Variants in NFIB observed in about 807,000 individuals in gnomAD.
The protein encoded by NFIB is nuclear factor 1 B-type.
A neutral mutation model predicts 61.5 loss-of-function variants in NFIB; 11 were observed. The observed-to-expected ratio is 0.18, with a 90% CI of 0.11 to 0.30. The LOEUF (loss-of-function observed/expected upper bound fraction) is 0.30. Ranked by LOEUF, NFIB falls within the 10% of genes least tolerant of loss-of-function variation. The pLI is 1.00. For missense variants in NFIB, 471 were observed against 608.9 expected, an observed-to-expected ratio of 0.77 and a Z score of 2.38; for synonymous variants, 260 against 216.5, an observed-to-expected ratio of 1.20 and a Z score of -1.76.
intron 1 of NFIB, among the ~76,000 whole-genome samples, chr9:14,338,351 G>A (rs574064391): frequency 2.0e-5 from 3 of 151,966 alleles, no homozygotes; most frequent in African/African-American, 4.8e-5. Context: ...CAGAGATCGC[G>A]CCACTGCACT....
At chr9:14,451,776 T>C in the NFIB span, among the ~76,000 whole-genome samples, 1 of 152,336 alleles carries the variant, frequency 6.6e-6, no homozygotes, top group South Asian at 2.1e-4. Context: ...GAAAGGCAGC[T>C]TGAGTTTCCC....
the NFIB span, among the ~76,000 whole-genome samples, chr9:14,456,208 C>CA: frequency 1.1e-5 from 1 of 91,716 alleles, no homozygotes; most frequent in Non-Finnish European, 2.4e-5. Flanking sequence ...AACTACTTGG[C>CA]ATTTTTTTTT....
At position 14,084,593 on chromosome 9, in the gene NFIB, G is replaced by A. The variant is rs574672738; in HGVS notation, c.*3716C>T. Reference sequence around the variant, plus strand: ...CGCTTCAGAGGCACTGTGAGTGGTGGGTGGCAGGGCAGCACACAAAGGCTG... The same window carrying A: ...CGCTTCAGAGGCACTGTGAGTGGTGAGTGGCAGGGCAGCACACAAAGGCTG... On this transcript the variant is annotated 3_prime_UTR_variant, in exon 11 of 11. Transcript: ENST00000380953. 8.7e-6 allele frequency: 2 copies of A among 228,742 alleles called. No homozygotes were observed. The highest frequency in any genetic ancestry group is 1.2e-4 in the East Asian group (2 of 16,022). The allele number at this position is 228,742 out of a possible 1,614,324, so 14.2% of individuals were successfully genotyped here.
At chr9:14,308,525 A>G (rs149600627) in intron 1 of NFIB, among the ~76,000 whole-genome samples, 1 of 152,228 alleles carries the variant, frequency 6.6e-6, no homozygotes, top group Non-Finnish European at 1.5e-5. Context: ...CCTCTTAAAA[A>G]TCAATCTGAG....
chr9:14,246,674 ATT>A (rs1268839702), intron 2 of NFIB, among the ~76,000 whole-genome samples: 1 of 152,222 alleles, frequency 6.6e-6, no homozygotes, highest in Non-Finnish European at 1.5e-5. Context: ...ACAGGCAAAT[ATT>A]AGGAAACATC....
the NFIB span, among the ~76,000 whole-genome samples, chr9:14,438,029 T>TGTGTGC: frequency 7.8e-6 from 1 of 127,886 alleles, no homozygotes; most frequent in African/African-American, 2.7e-5. Context: ...TGTGTGTGTG[T>TGTGTGC]GCGCGTATGT....
At chr9:14,453,104 G>A in the NFIB span, among the ~76,000 whole-genome samples, 1 of 152,188 alleles carries the variant, frequency 6.6e-6, no homozygotes, top group Non-Finnish European at 1.5e-5. Flanking sequence ...TTCCCACCCT[G>A]ATCTCAGAAT....
At chr9:14,276,821 C>A (rs2058036229) in intron 2 of NFIB, among the ~76,000 whole-genome samples, 1 of 152,002 alleles carries the variant, frequency 6.6e-6, no homozygotes, top group African/African-American at 2.4e-5. Context: ...TTCATGCAGT[C>A]ACCTAAATAT....
the NFIB span, among the ~76,000 whole-genome samples, chr9:14,410,841 G>C: frequency 5.3e-5 from 8 of 152,112 alleles, no homozygotes. Flanking sequence ...AGAAAATGAT[G>C]AATTTAAAAT....
At chr9:14,222,122 G>A (rs1337972187) in intron 2 of NFIB, among the ~76,000 whole-genome samples, 1 of 152,162 alleles carries the variant, frequency 6.6e-6, no homozygotes, top group Non-Finnish European at 1.5e-5. Context: ...ATATTGCAAA[G>A]ACTTCCTCCC....
rs1291719932 is a variant in NFIB at position 14,083,331 on chromosome 9, C to T, written c.*4978G>A. ...GTTACCCCCCAACTGCAGGGCTCCA[C>T]TCCACCCACACAATTTTAGGGAATT... On this transcript the variant is annotated 3_prime_UTR_variant, in exon 11 of 11. Transcript: ENST00000380953. The T allele has an allele frequency of 4.4e-6, 1 of 227,322 alleles. No individual in the cohort carries two copies. Among genetic ancestry groups the T allele is most frequent in the East Asian group, 6.3e-5 (1 of 15,952 alleles). The allele number at this position is 227,322 out of a possible 1,614,324, so 14.1% of individuals were successfully genotyped here. A position where few individuals can be genotyped will look rare whatever the true frequency, so the allele number is the denominator to read the frequency against.
intron 3 of NFIB, among the ~76,000 whole-genome samples, chr9:14,161,088 C>A (rs1031715941): frequency 6.6e-6 from 1 of 152,124 alleles, no homozygotes; most frequent in Admixed American, 6.5e-5. Context: ...TTACTTTATA[C>A]TAGCTCTTTG....
chr9:14,446,771 AG>A, the NFIB span, among the ~76,000 whole-genome samples: 48 of 152,304 alleles, frequency 3.2e-4, no homozygotes, highest in African/African-American at 1.1e-3. Context: ...AGACATCACA[AG>A]AGTACAGGGA....
rs944649027 is a variant in NFIB at position 14,313,537 on chromosome 9, G to A, written c.-26C>T. ...GACTTCGCCTTAAAACGCACTTTCC[G>A]GGAGATGCCCAAGAAAATCTTCGAG... On this transcript the variant is annotated 5_prime_UTR_variant, in exon 1 of 11. Transcript: ENST00000380953. This position sits in a 1 kb window ranked among gnomAD's most constrained non-coding sequence, Gnocchi z 4.5. 5.6e-6 allele frequency: 9 copies of A among 1,613,110 alleles called. No individual in the cohort carries two copies. Among genetic ancestry groups the A allele is most frequent in the Non-Finnish European group, 7.6e-6 (9 of 1,179,654 alleles).
intron 2 of NFIB, among the ~76,000 whole-genome samples, chr9:14,254,793 C>CTG (rs936301296): frequency 2.4e-4 from 36 of 152,042 alleles, no homozygotes; most frequent in African/African-American, 8.4e-4. Flanking sequence ...AGTTGGGATT[C>CTG]TGTGTGTGTG....
At position 14,182,708 on chromosome 9, in the gene NFIB, C is replaced by CTCTCTCTCTCTGTGTGTG. The variant is rs778914837; in HGVS notation, c.563-2929_563-2928insCACACACAGAGAGAGAGA. On this transcript the variant is annotated intron_variant, in intron 2 of 10. Transcript: ENST00000380953. ...CCTCTCTCTCTCTCTCTCTCTCTCTCTGTGTGTGTGTGTGTGTGTGTGTGT... is the reference window on the plus strand; with the variant it reads ...CCTCTCTCTCTCTCTCTCTCTCTCTCTCTCTCTCTCTGTGTGTGTGTGTGTGTGTGTGTGTGTGTGTGT... Among the ~76,000 whole-genome samples, 5 of 96,994 alleles carry CTCTCTCTCTCTGTGTGTG rather than the reference C, an allele frequency of 5.2e-5. 1 individual carries two copies. The highest frequency in any genetic ancestry group is 2.2e-4 in the Admixed American group (2 of 8,906). 63.6% of individuals were successfully genotyped at this position (96,994 alleles called of 152,430 possible).
At chr9:14,160,608 T>A (rs1038591413) in intron 3 of NFIB, among the ~76,000 whole-genome samples, 1 of 152,062 alleles carries the variant, frequency 6.6e-6, no homozygotes, top group African/African-American at 2.4e-5. Flanking sequence ...TAAAAAGGCA[T>A]GTGAAATTTT....
chr9:14,416,489 T>C, the NFIB span, among the ~76,000 whole-genome samples: 1 of 150,828 alleles, frequency 6.6e-6, no homozygotes, highest in African/African-American at 2.4e-5. Context: ...TGTGTGTGTT[T>C]GTGTCCTAGT....
At chr9:14,131,236 C>A (rs1341886684) in intron 6 of NFIB, among the ~76,000 whole-genome samples, 1 of 152,070 alleles carries the variant, frequency 6.6e-6, no homozygotes, top group Admixed American at 6.6e-5. Flanking sequence ...AATAAAAGAT[C>A]ACCATGTAAG....
Sources: allele counts gnomAD v4.1 joint callset (sites outside exome capture counted in the v4.1 genomes callset), GRCh38; gene constraint gnomAD v4.1.1; non-coding constraint Gnocchi (gnomAD v3.1); transcripts MANE v1.5; gene names NCBI Gene and HGNC (gene_info 2026-07-23, HGNC 2026-07-21).